SMURF1: variants seen among roughly 807,000 people sequenced by gnomAD.
SMURF1 encodes the protein E3 ubiquitin-protein ligase SMURF1.
A neutral mutation model predicts 98.0 loss-of-function variants in SMURF1; 44 were observed. That is an observed-to-expected ratio of 0.45 (90% CI 0.35 to 0.58). SMURF1 has a LOEUF of 0.58. Among genes scored for constraint, SMURF1 ranks in the 20% least tolerant of loss-of-function variants. The pLI is 0.00. For missense variants in SMURF1, 687 were observed against 938.4 expected, an observed-to-expected ratio of 0.73 and a Z score of 3.50; for synonymous variants, 396 against 374.9, an observed-to-expected ratio of 1.06 and a Z score of -0.65.
Position 99,057,226 on chromosome 7 carries a change from C to G in SMURF1, c.382G>C (p.Ala128Pro). 1 of 1,613,986 alleles carries G rather than the reference C, an allele frequency of 6.2e-7. No homozygotes were observed. Among genetic ancestry groups the G allele is most frequent in the Non-Finnish European group, 8.5e-7 (1 of 1,179,926 alleles). The change falls in exon 5 of 18, where the codon GCA becomes CCA. Residue 128 changes from alanine to proline, a missense_variant. By Grantham distance (27) the Ala-to-Pro change is conservative. Transcript: ENST00000361368. ...TTACCCACTATCTGGCCACGAACTGCATCAGTATCTGAGGGGTTTAGTTTG... is the reference window on the plus strand; with the variant it reads ...TTACCCACTATCTGGCCACGAACTGGATCAGTATCTGAGGGGTTTAGTTTG... ...LCKLNPSDTD[A>P]VRGQIVVSLQ...
intron 1 of SMURF1, among the ~76,000 whole-genome samples, chr7:99,128,648 G>A (rs1023167880): frequency 1.3e-5 from 2 of 152,160 alleles, no homozygotes; most frequent in East Asian, 1.9e-4. Flanking sequence ...CAACTACCAC[G>A]CATTGCTTTC....
At chr7:99,032,776 A>AT (rs1794957388) in intron 17 of SMURF1, 6 of 499,914 alleles carry the variant, frequency 1.2e-5, no homozygotes, top group South Asian at 7.1e-5. Flanking sequence ...TCTTACAGGT[A>AT]TTTTTTTACA....
chr7:99,030,851 C>T, intron 17 of SMURF1, 168 bp from the exon 18 acceptor site: 1 of 546,024 alleles, frequency 1.8e-6, no homozygotes, highest in Non-Finnish European at 3.2e-6. Context: ...GCTTCTAATA[C>T]AAAGATTTGT....
chr7:99,109,636 C>T (rs1797277124), intron 1 of SMURF1, among the ~76,000 whole-genome samples: 1 of 152,162 alleles, frequency 6.6e-6, no homozygotes, highest in Non-Finnish European at 1.5e-5. Context: ...ATTTTGTCAG[C>T]CTTTGAACTC....
chr7:99,122,337 A>G (rs1326377445), intron 1 of SMURF1, among the ~76,000 whole-genome samples: 1 of 147,906 alleles, frequency 6.8e-6, no homozygotes, highest in Non-Finnish European at 1.5e-5. Context: ...CAAAAAAAAA[A>G]AAGAAGAAGA....
intron 16 of SMURF1, among the ~76,000 whole-genome samples, chr7:99,033,429 C>T (rs910310959): frequency 6.6e-6 from 1 of 152,288 alleles, no homozygotes; most frequent in East Asian, 1.9e-4. Flanking sequence ...TCCTGCCTCC[C>T]GAGTAGCTGG....
chr7:99,130,110 T>C (rs1410576783), intron 1 of SMURF1, among the ~76,000 whole-genome samples: 1 of 152,172 alleles, frequency 6.6e-6, no homozygotes, highest in African/African-American at 2.4e-5. Flanking sequence ...TCTAGAGAAA[T>C]AATTTAAGAA....
chr7:99,135,335 TCCTCTCTC>T (rs1472658346), intron 1 of SMURF1, among the ~76,000 whole-genome samples: 2 of 151,948 alleles, frequency 1.3e-5, no homozygotes, highest in Non-Finnish European at 1.5e-5. Context: ...CTCTTTTCTC[TCCTCTCTC>T]CCTCTCTCCT....
intron 1 of SMURF1, among the ~76,000 whole-genome samples, chr7:99,141,630 G>C (rs1798119298): frequency 3.9e-5 from 6 of 152,174 alleles, no homozygotes; most frequent in Admixed American, 3.9e-4. Context: ...ACCAGGGTCT[G>C]GGTTTGGGTC....
chr7:99,089,265 G>A (rs59206769), intron 1 of SMURF1, among the ~76,000 whole-genome samples: 9,032 of 151,646 alleles, frequency 0.06, 881 homozygotes, highest in African/African-American at 0.2. Flanking sequence ...CCCAGGGTCC[G>A]TGTGTCAATT....
At position 99,030,526 on chromosome 7, in the gene SMURF1, A is replaced by G; in HGVS notation, c.*58T>C. 2.8e-6 allele frequency: 4 copies of G among 1,431,390 alleles called. No individual in the cohort carries two copies. The highest frequency in any genetic ancestry group is 1.7e-5 in the Admixed American group (1 of 59,222). The allele number at this position is 1,431,390 out of a possible 1,614,324, so 88.7% of individuals were successfully genotyped here. A position where few individuals can be genotyped will look rare whatever the true frequency, so the allele number is the denominator to read the frequency against. ...GCCAGCTTTGCAGGAGGTGCACAGAAGCTGGATGCTTTTGGTCTGGTGGCC... is the reference window on the plus strand; with the variant it reads ...GCCAGCTTTGCAGGAGGTGCACAGAGGCTGGATGCTTTTGGTCTGGTGGCC... On this transcript the variant is annotated 3_prime_UTR_variant, in exon 18 of 18. Transcript: ENST00000361368.
intron 1 of SMURF1, among the ~76,000 whole-genome samples, chr7:99,086,157 C>G (rs1796673621): frequency 1.3e-5 from 2 of 151,624 alleles, no homozygotes; most frequent in Admixed American, 6.6e-5. Flanking sequence ...ACCAGCCTGG[C>G]CAACATGGTG....
rs773738532 is a variant in SMURF1, at chr7:99,037,115, C to T, written c.1761G>A (p.Glu587=). 6.2e-7 allele frequency: 1 copy of T among 1,614,162 alleles called. No homozygotes were observed. Among genetic ancestry groups the T allele is most frequent in the Non-Finnish European group, 8.5e-7 (1 of 1,180,036 alleles). The change falls in exon 15 of 18, where the codon GAG becomes GAA. Residue 587 remains glutamate, a synonymous_variant. Transcript: ENST00000361368. ...GCTTCAGCAGATGTTGAGGGATGAG[C>T]TCATTGAACCCCTTCTGCAGAGCTA... ...QFLALQKGFN[E]LIPQHLLKPF...
intron 1 of SMURF1, among the ~76,000 whole-genome samples, chr7:99,098,399 CTCTAA>C (rs1797000720): frequency 6.6e-6 from 1 of 152,114 alleles, no homozygotes; most frequent in Admixed American, 6.6e-5. Context: ...AAAAAAATGA[CTCTAA>C]TCAAAGAGAG....
intron 1 of SMURF1, among the ~76,000 whole-genome samples, chr7:99,084,531 G>C (rs1796637174): frequency 6.6e-6 from 1 of 152,028 alleles, no homozygotes; most frequent in Admixed American, 6.6e-5. Context: ...GAAGAATCAG[G>C]GAACTAGATA....
Position 99,031,329 on chromosome 7 carries a change from G to A in SMURF1, c.2097-646C>T, listed in dbSNP as rs1794877994. 2.0e-5 allele frequency: 3 copies of A among 152,196 alleles called. No individual in the cohort carries two copies. The South Asian group carries it at 6.2e-4, about 31-fold the overall frequency. 9.4% of individuals were successfully genotyped at this position (152,196 alleles called of 1,614,324 possible). On this transcript the variant is annotated intron_variant, in intron 17 of 17. Coordinates refer to ENST00000361368, the MANE Select transcript of SMURF1 (RefSeq NM_181349.3). Reference sequence around the variant, plus strand: ...AAGATGAAATGAATATTCAACTTCTGACTCGATATTTCCAGGGGGAAGCTC... The same window carrying A: ...AAGATGAAATGAATATTCAACTTCTAACTCGATATTTCCAGGGGGAAGCTC...
At chr7:99,097,871 C>T (rs1054633742) in intron 1 of SMURF1, among the ~76,000 whole-genome samples, 5 of 152,198 alleles carry the variant, frequency 3.3e-5, no homozygotes, top group African/African-American at 4.8e-5. Context: ...TTTCCAAGTA[C>T]GAGTGACCAA....
intron 13 of SMURF1, among the ~76,000 whole-genome samples, chr7:99,040,034 C>T (rs1298201663): frequency 3.9e-5 from 6 of 152,146 alleles, no homozygotes; most frequent in Non-Finnish European, 8.8e-5. Flanking sequence ...CTTCTTCATT[C>T]AAGGAAACAA....
intron 1 of SMURF1, among the ~76,000 whole-genome samples, chr7:99,133,055 A>G (rs749493893): frequency 2.6e-5 from 4 of 151,884 alleles, no homozygotes; most frequent in Admixed American, 6.6e-5. Flanking sequence ...CTTGATTGCA[A>G]TGGTGGTGAT....
Sources: allele counts gnomAD v4.1 joint callset (sites outside exome capture counted in the v4.1 genomes callset), GRCh38; gene constraint gnomAD v4.1.1; transcripts MANE v1.5; gene names NCBI Gene and HGNC (gene_info 2026-07-23, HGNC 2026-07-21).